PTPRD: variants seen among roughly 807,000 people sequenced by gnomAD.
The protein encoded by PTPRD is protein tyrosine phosphatase receptor type D.
In PTPRD, 34 loss-of-function variants were observed where a neutral mutation model predicts 214.5. The ratio of observed to expected loss-of-function variants is 0.16; its 90% CI spans 0.12 to 0.21. The LOEUF (loss-of-function observed/expected upper bound fraction) is 0.21, where lower values mean the gene tolerates loss of function less well. Among genes scored for constraint, PTPRD ranks in the 10% least tolerant of loss-of-function variants. PTPRD has a pLI of 1.00. For synonymous variants in PTPRD, 1,128 were observed against 845.7 expected (o/e 1.33, Z -5.79); for missense variants, 2,545 against 2,398.7 (o/e 1.06, Z -1.27).
intron 8 of PTPRD, among the ~76,000 whole-genome samples, chr9:9,537,663 G>A (rs1212099782): frequency 1.3e-5 from 2 of 151,926 alleles, no homozygotes; most frequent in East Asian, 1.9e-4. Flanking sequence ...GGCTAAGGGT[G>A]TTGTTTAGAT....
At chr9:8,744,266 T>C (rs2092508733) in intron 11 of PTPRD, among the ~76,000 whole-genome samples, 1 of 152,120 alleles carries the variant, frequency 6.6e-6, no homozygotes, top group Non-Finnish European at 1.5e-5. Flanking sequence ...TGAAAGTAGA[T>C]CTATCATTTG....
At chr9:10,027,097 G>A (rs1433484538) in intron 4 of PTPRD, among the ~76,000 whole-genome samples, 1 of 152,102 alleles carries the variant, frequency 6.6e-6, no homozygotes, top group Non-Finnish European at 1.5e-5. Flanking sequence ...GTTCACTCTG[G>A]CCATTGATAG....
chr9:9,027,166 A>G (rs933211997), intron 10 of PTPRD, among the ~76,000 whole-genome samples: 1 of 151,624 alleles, frequency 6.6e-6, no homozygotes, highest in African/African-American at 2.4e-5. Context: ...CTCATTTACT[A>G]CCTTCCCTCT....
intron 9 of PTPRD, among the ~76,000 whole-genome samples, chr9:9,203,763 T>C (rs2099943227): frequency 6.6e-6 from 1 of 152,202 alleles, no homozygotes; most frequent in Non-Finnish European, 1.5e-5. Flanking sequence ...GGGTATTTTA[T>C]GGACTCAGAC....
At chr9:8,431,372 T>C (rs1427016495) in intron 35 of PTPRD, among the ~76,000 whole-genome samples, 1 of 152,066 alleles carries the variant, frequency 6.6e-6, no homozygotes, top group African/African-American at 2.4e-5. Flanking sequence ...AGAGAAGATA[T>C]CAGGAAATTG....
chr9:8,915,316 A>G (rs1000662998), intron 11 of PTPRD, among the ~76,000 whole-genome samples: 5 of 152,190 alleles, frequency 3.3e-5, no homozygotes, highest in African/African-American at 9.7e-5. Flanking sequence ...AAGGTCGAAG[A>G]TGCTACAACA....
At chr9:9,988,388 T>C (rs1370080307) in intron 4 of PTPRD, among the ~76,000 whole-genome samples, 1 of 152,194 alleles carries the variant, frequency 6.6e-6, no homozygotes, top group East Asian at 1.9e-4. Flanking sequence ...TTCCAGTCTT[T>C]ACTAAATTGA....
At chr9:9,950,881 G>T (rs1477349204) in intron 4 of PTPRD, among the ~76,000 whole-genome samples, 2 of 151,832 alleles carry the variant, frequency 1.3e-5, no homozygotes, top group Non-Finnish European at 2.9e-5. Context: ...TCAAATAACA[G>T]TAGCAGCACA....
chr9:8,527,220 C>A, intron 16 of PTPRD, 125 bp downstream of exon 16: 1 of 989,840 alleles, frequency 1.0e-6, no homozygotes, highest in Non-Finnish European at 1.5e-6. Flanking sequence ...GGAGCCACTA[C>A]AGAGATCTGG....
At chr9:8,610,340 T>G (rs1338217838) in intron 14 of PTPRD, among the ~76,000 whole-genome samples, 2 of 152,150 alleles carry the variant, frequency 1.3e-5, no homozygotes, top group Non-Finnish European at 2.9e-5. Flanking sequence ...TATTATCAAT[T>G]TCAGTATTCA....
At chr9:9,959,451 A>G (rs1364403562) in intron 4 of PTPRD, among the ~76,000 whole-genome samples, 1 of 152,126 alleles carries the variant, frequency 6.6e-6, no homozygotes, top group Non-Finnish European at 1.5e-5. Context: ...ATTTGTCAAA[A>G]CCCATGGAAT....
chr9:9,288,163 G>A (rs1029582597), intron 9 of PTPRD, among the ~76,000 whole-genome samples: 1 of 151,688 alleles, frequency 6.6e-6, no homozygotes, highest in Admixed American at 6.6e-5. Flanking sequence ...TAAAAGGAAT[G>A]TTTTATAAAG....
At chr9:8,323,673 A>G (rs1777711712) in intron 44 of PTPRD, among the ~76,000 whole-genome samples, 1 of 152,206 alleles carries the variant, frequency 6.6e-6, no homozygotes, top group Admixed American at 6.5e-5. Context: ...ATCTCATGAT[A>G]AAACCTGAAT....
intron 3 of PTPRD, among the ~76,000 whole-genome samples, chr9:10,151,776 A>G (rs1162286098): frequency 6.6e-6 from 1 of 152,114 alleles, no homozygotes; most frequent in Non-Finnish European, 1.5e-5. Context: ...CTCTAAGCCC[A>G]GGAAACCACT....
At chr9:9,059,612 C>A (rs1241139551) in intron 10 of PTPRD, among the ~76,000 whole-genome samples, 1 of 151,828 alleles carries the variant, frequency 6.6e-6, no homozygotes, top group Non-Finnish European at 1.5e-5. Flanking sequence ...TCCTTAAGCA[C>A]ATTTGTTAGT....
At position 8,974,868 on chromosome 9, in the gene PTPRD, G is replaced by A. The variant is rs148628984; in HGVS notation, c.-104+43829C>T. On this transcript the variant is annotated intron_variant, in intron 11 of 45. Coordinates refer to ENST00000381196, the MANE Select transcript of PTPRD (RefSeq NM_002839.4). ...TCCCAGCACTTTGGGAGGCTGAGGC[G>A]GGTGGATCACCTGAAGTCAGGAGTT... is the stretch of plus-strand genomic sequence containing the variant. Among the ~76,000 whole-genome samples the A allele has an allele frequency of 5.3e-3, 809 of 151,882 alleles. 4 individuals carry two copies. Among genetic ancestry groups the A allele is most frequent in the Non-Finnish European group, 9.8e-3 (663 of 67,938 alleles).
At chr9:9,922,300 C>T (rs192648226) in intron 5 of PTPRD, among the ~76,000 whole-genome samples, 85 of 152,154 alleles carry the variant, frequency 5.6e-4, no homozygotes, top group Admixed American at 4.9e-3. Context: ...CCCTTGAATC[C>T]GAAGTATACT....
chr9:9,569,678 A>G (rs530929986), intron 8 of PTPRD, among the ~76,000 whole-genome samples: 1 of 151,840 alleles, frequency 6.6e-6, no homozygotes, highest in South Asian at 2.1e-4. Flanking sequence ...ATAGAGGTTG[A>G]TAAAGTTTGC....
intron 11 of PTPRD, among the ~76,000 whole-genome samples, chr9:8,942,570 TGGAG>T (rs1452809601): frequency 6.6e-6 from 1 of 152,162 alleles, no homozygotes; most frequent in Admixed American, 6.5e-5. Flanking sequence ...GGGTTAACGC[TGGAG>T]GAAGGCAAGG....
Sources: gnomAD v4.1 joint callset for allele counts (sites outside exome capture counted in the v4.1 genomes callset) on GRCh38, gnomAD v4.1.1 for gene constraint, MANE v1.5 for transcripts, NCBI Gene and HGNC (gene_info 2026-07-23, HGNC 2026-07-21) for gene names.